The following ROPN1L variants were observed in gnomAD, a reference collection of about 807,000 sequenced individuals.
The protein encoded by ROPN1L is ropporin-1-like protein.
ROPN1L carries 23 observed loss-of-function variants against 22.7 expected under a neutral mutation model. That is an observed-to-expected ratio of 1.01 (90% confidence interval 0.73 to 1.43). The LOEUF is 1.43. Ranked by LOEUF, ROPN1L falls within the 40% of genes most tolerant of loss-of-function variation. ROPN1L has a pLI of 0.00. For synonymous variants in ROPN1L, 116 were observed against 117.8 expected (o/e 0.98, Z 0.10); for missense variants, 271 against 291.5 (o/e 0.93, Z 0.51).
chr5:10,458,737 G>A (rs1354327875), intron 3 of ROPN1L, among the ~76,000 whole-genome samples: 14 of 36,928 alleles, frequency 3.8e-4, no homozygotes, highest in African/African-American at 1.4e-3. Flanking sequence ...CACCCCACCC[G>A]TGTATACCGT....
chr5:10,461,505 G>A (rs1735030016), intron 4 of ROPN1L, 146 bp downstream of exon 4: 4 of 716,442 alleles, frequency 5.6e-6, no homozygotes, highest in Middle Eastern at 2.8e-4. Flanking sequence ...ATGATCAAAT[G>A]TGTGGAGGTT....
Position 10,448,354 on chromosome 5 carries a change from C to G in ROPN1L, c.226C>G (p.Gln76Glu), listed in dbSNP as rs1741143791. ...CCAGAAAACAGACACAGGCCTGACTCAAGGACTCCTGAAAGTTTTGCACAA... is the reference window on the plus strand; with the variant it reads ...CCAGAAAACAGACACAGGCCTGACTGAAGGACTCCTGAAAGTTTTGCACAA... ...ATQKTDTGLT[Q>E]GLLKVLHKQC... Residue 76 changes from glutamine to glutamate, a missense_variant, in exon 2 of 5, where the codon CAA (glutamine) becomes GAA (glutamate). By Grantham distance (29) the Gln-to-Glu change is conservative. Transcript: ENST00000274134. 2 of 1,614,202 alleles carry G rather than the reference C, an allele frequency of 1.2e-6. No individual in the cohort carries two copies. The highest frequency in any genetic ancestry group is 8.5e-7 in the Non-Finnish European group (1 of 1,180,030).
the ROPN1L span, chr5:10,478,127 A>G: frequency 6.6e-6 from 1 of 152,390 alleles, no homozygotes; most frequent in Non-Finnish European, 1.5e-5. Context: ...ATGGGAGTGG[A>G]CAGAGACCCG....
intron 3 of ROPN1L, among the ~76,000 whole-genome samples, chr5:10,457,762 C>T (rs1393776811): frequency 3.3e-5 from 5 of 152,284 alleles, no homozygotes; most frequent in Admixed American, 2.6e-4. Context: ...CTGGACAGTC[C>T]AGGCCTGGCT....
intron 4 of ROPN1L, among the ~76,000 whole-genome samples, chr5:10,463,725 C>T (rs554284932): frequency 1.2e-4 from 19 of 152,302 alleles, no homozygotes; most frequent in Middle Eastern, 3.4e-3. Context: ...GAACAGGTCA[C>T]GCCCTGACCC....
At chr5:10,463,808 C>T (rs1735096842) in intron 4 of ROPN1L, among the ~76,000 whole-genome samples, 1 of 152,132 alleles carries the variant, frequency 6.6e-6, no homozygotes, top group South Asian at 2.1e-4. Context: ...TGTTCAGTGC[C>T]AAGAGGACAG....
chr5:10,465,621 G>A (rs1224457316), downstream of ROPN1L, among the ~76,000 whole-genome samples: 1 of 151,958 alleles, frequency 6.6e-6, no homozygotes, highest in Non-Finnish European at 1.5e-5. Flanking sequence ...AGGCTAAGGT[G>A]GGAGGATCAC....
Position 10,461,332 on chromosome 5 carries a change from C to CAGATGTGT in ROPN1L, c.566_567insAGATGTGT (p.Tyr190AspfsTer8), listed in dbSNP as rs777461448. 6.2e-7 allele frequency: 1 copy of CAGATGTGT among 1,614,002 alleles called. No individual in the cohort carries two copies. Among genetic ancestry groups the CAGATGTGT allele is most frequent in the South Asian group, 1.1e-5 (1 of 91,086 alleles). ...GATGTGTCTCCCTTGGAGACGGAATCCTACCTTGCCTCTCTAAAGGAAAAT... is the reference window on the plus strand; with the variant it reads ...GATGTGTCTCCCTTGGAGACGGAATCAGATGTGTCTACCTTGCCTCTCTAAAGGAAAAT... On this transcript the variant is annotated frameshift_variant, in exon 4 of 5. Transcript: ENST00000274134. LOFTEE classifies it low-confidence loss of function (END_TRUNC).
intron 4 of ROPN1L, among the ~76,000 whole-genome samples, chr5:10,470,322 C>G (rs1298059751): frequency 6.6e-6 from 1 of 152,062 alleles, no homozygotes; most frequent in Non-Finnish European, 1.5e-5. Context: ...CCACCAGGAC[C>G]CCATGAAGTG....
chr5:10,455,246 T>C (rs1301241571), intron 3 of ROPN1L, among the ~76,000 whole-genome samples: 1 of 152,204 alleles, frequency 6.6e-6, no homozygotes. Context: ...GCATCCTGGC[T>C]TACTCCTCGC....
intron 1 of ROPN1L, among the ~76,000 whole-genome samples, chr5:10,447,055 A>G (rs534273066): frequency 6.6e-6 from 1 of 152,342 alleles, no homozygotes; most frequent in South Asian, 2.1e-4. Flanking sequence ...ATTTTAGTCT[A>G]TCAGATATCG....
chr5:10,474,594 G>A (rs2126486198), downstream of ROPN1L, among the ~76,000 whole-genome samples: 1 of 152,374 alleles, frequency 6.6e-6, no homozygotes, highest in East Asian at 1.9e-4. Context: ...CGAACCTAGA[G>A]CCTCTGTTGA....
chr5:10,466,935 C>T (rs1735165224), downstream of ROPN1L, among the ~76,000 whole-genome samples: 3 of 152,180 alleles, frequency 2.0e-5, no homozygotes, highest in African/African-American at 7.2e-5. Context: ...CTCCTGGGTC[C>T]TCACATGGTC....
At chr5:10,461,083 T>A in intron 3 of ROPN1L, 101 bp from the exon 4 acceptor site, 1 of 1,057,810 alleles carries the variant, frequency 9.5e-7, no homozygotes, top group Non-Finnish European at 1.4e-6. Context: ...GGAGAATTTC[T>A]GTCAAATATG....
At chr5:10,451,242 A>G (rs1741242673) in intron 3 of ROPN1L, among the ~76,000 whole-genome samples, 1 of 152,194 alleles carries the variant, frequency 6.6e-6, no homozygotes, top group African/African-American at 2.4e-5. Flanking sequence ...CATTTTCATT[A>G]AAACAAATTA....
the ROPN1L span, among the ~76,000 whole-genome samples, chr5:10,481,077 C>T: frequency 6.6e-6 from 1 of 152,304 alleles, no homozygotes; most frequent in South Asian, 2.1e-4. Flanking sequence ...TTTACCTACT[C>T]CTAGGCTAAA....
At chr5:10,465,473 C>T (rs961473507), downstream of ROPN1L, among the ~76,000 whole-genome samples, 5 of 151,512 alleles carry the variant, frequency 3.3e-5, no homozygotes, top group African/African-American at 4.9e-5. Flanking sequence ...CGAGATCGCG[C>T]CACTGCACTC....
intron 4 of ROPN1L, among the ~76,000 whole-genome samples, chr5:10,471,273 T>C (rs1218754576): frequency 6.6e-6 from 1 of 152,002 alleles, no homozygotes; most frequent in Non-Finnish European, 1.5e-5. Flanking sequence ...GAGTAGCTGG[T>C]ACCACAGGCA....
At chr5:10,455,518 A>G (rs1354680262) in intron 3 of ROPN1L, among the ~76,000 whole-genome samples, 1 of 152,188 alleles carries the variant, frequency 6.6e-6, no homozygotes, top group Non-Finnish European at 1.5e-5. Context: ...TGTGGGAAAG[A>G]GGCAGGGGCC....
Sources: gnomAD v4.1 joint callset for allele counts (sites outside exome capture counted in the v4.1 genomes callset) on GRCh38, gnomAD v4.1.1 for gene constraint, MANE v1.5 for transcripts, NCBI Gene and HGNC (gene_info 2026-07-23, HGNC 2026-07-21) for gene names.